Variants in DGKD observed in about 807,000 individuals in gnomAD.
DGKD encodes diacylglycerol kinase delta.
Under a neutral mutation model 154.4 loss-of-function variants are expected in DGKD, and 68 were observed. The observed-to-expected ratio is 0.44, with a 90% CI of 0.36 to 0.54. DGKD has a LOEUF of 0.54. Among genes scored for constraint, DGKD ranks in the 20% least tolerant of loss-of-function variants. The pLI is 0.00. For missense variants in DGKD, 1,343 were observed against 1,593.6 expected (o/e 0.84, Z 2.68); for synonymous variants, 693 against 638.0 (o/e 1.09, Z -1.30).
rs180860247 is a variant in DGKD at position 233,460,956 on chromosome 2, G to A, written c.2981+611G>A. Among the ~76,000 whole-genome samples the A allele has an allele frequency of 1.8e-3, 269 of 150,892 alleles. 1 individual carries two copies. The highest frequency in any genetic ancestry group is 6.4e-3 in the African/African-American group (263 of 41,010). On this transcript the variant is annotated intron_variant, in intron 24 of 29. Coordinates refer to ENST00000264057, the MANE Select transcript of DGKD (RefSeq NM_152879.3). ...TCCCGAGGGCAGCCCGCTGACAGCC[G>A]CCTTCACTTTGCCCTCGTTTTACCC...
At chr2:233,454,271 G>A (rs547462220) in intron 18 of DGKD, 35 of 421,782 alleles carry the variant, frequency 8.3e-5, no homozygotes, top group Non-Finnish European at 1.4e-4. Context: ...GGTTAGCCAC[G>A]CAGTGGAGTA....
In DGKD at chr2:233,460,371, G is replaced by T. The variant is rs73117574; in HGVS notation, c.2981+26G>T. ...GTGGGCTCCTACCCCTCTGCGTTGC[G>T]CATGAGCCTCCCCCAGGGTCCCTGG... On this transcript the variant is annotated intron_variant, in intron 24 of 29. Transcript: ENST00000264057. 5 of 1,611,620 alleles carry T rather than the reference G, an allele frequency of 3.1e-6. No homozygotes were observed. The East Asian group carries it at 6.7e-5, about 22-fold the overall frequency.
At position 233,448,296 on chromosome 2, in the gene DGKD, A is replaced by C. The variant is rs1484833802; in HGVS notation, c.1535A>C (p.Lys512Thr). Residue 512 changes from lysine to threonine, a missense_variant, in exon 14 of 30, where the codon AAG becomes ACG. Around this residue, in one of 6 missense-constraint regions of DGKD, gnomAD observed 409 missense variants for 446.0 expected, o/e 0.92. Coordinates refer to ENST00000264057, the MANE Select transcript of DGKD (RefSeq NM_152879.3). ...CACAGAGTGCTCTGTGAGACGGTGA[A>C]GGACTTCGTGGCACGGGTGGGGAAG... Reference protein sequence around the residue: ...SSAKVLCETVKDFVARVGKAY... With the variant: ...SSAKVLCETVTDFVARVGKAY... 1 of 1,614,016 alleles carries C rather than the reference A, an allele frequency of 6.2e-7. No individual in the cohort carries two copies. The highest frequency in any genetic ancestry group is 8.5e-7 in the Non-Finnish European group (1 of 1,180,044).
intron 1 of DGKD, among the ~76,000 whole-genome samples, chr2:233,380,595 C>T (rs1702839055): frequency 6.6e-6 from 1 of 152,238 alleles, no homozygotes; most frequent in Non-Finnish European, 1.5e-5. Flanking sequence ...GGGGATTAGC[C>T]CTATGATGAA....
intron 1 of DGKD, among the ~76,000 whole-genome samples, chr2:233,383,326 C>T (rs1184339038): frequency 6.6e-6 from 1 of 152,178 alleles, no homozygotes; most frequent in Non-Finnish European, 1.5e-5. Flanking sequence ...CAGGCATGAG[C>T]CACCGCGCCC....
At chr2:233,467,417 C>G (rs1056592704) in intron 28 of DGKD, among the ~76,000 whole-genome samples, 10 of 152,158 alleles carry the variant, frequency 6.6e-5, no homozygotes, top group Non-Finnish European at 1.5e-4. Context: ...CCGGCCCTGA[C>G]GTGCTCTCTG....
At chr2:233,429,125 G>A (rs1486312610) in intron 3 of DGKD, 1 of 985,264 alleles carries the variant, frequency 1.0e-6, no homozygotes, top group South Asian at 4.7e-5. Flanking sequence ...GGGTCAGGTG[G>A]GCCCAAAGAT....
chr2:233,462,546 C>T (rs368368914), intron 25 of DGKD, 87 bp downstream of exon 25: 2 of 1,525,416 alleles, frequency 1.3e-6, no homozygotes, highest in African/African-American at 1.4e-5. Context: ...CCCCCGCCTC[C>T]CCGGTGCATG....
intron 1 of DGKD, among the ~76,000 whole-genome samples, chr2:233,381,961 C>T (rs906665647): frequency 2.0e-5 from 3 of 152,166 alleles, no homozygotes; most frequent in East Asian, 1.9e-4. Context: ...GGGCCAGGTG[C>T]GGTGGCTCAC....
rs1351373977 is a variant in DGKD, at chr2:233,470,650, G to GC, written c.*1194dup. ...TAGGGACAGTGCCCAGGTGAAGGAT[G>GC]CCCCTGGTCCTCCAGGGCACTGACT... On this transcript the variant is annotated 3_prime_UTR_variant, in exon 30 of 30. Transcript: ENST00000264057. 6.6e-6 allele frequency: 1 copy of GC among 152,476 alleles called. No homozygotes were observed. Among genetic ancestry groups the GC allele is most frequent in the Non-Finnish European group, 1.5e-5 (1 of 68,120 alleles). The allele number at this position is 152,476 out of a possible 1,614,324, so 9.4% of individuals were successfully genotyped here.
rs944112778 is a variant in DGKD at position 233,438,698 on chromosome 2, A to G, written c.1085+319A>G. Among the ~76,000 whole-genome samples the G allele has an allele frequency of 1.6e-4, 24 of 152,008 alleles. No homozygotes were observed. The highest frequency in any genetic ancestry group is 5.6e-4 in the African/African-American group (23 of 41,286). ...ATGCCTTCTGTATGTGTCTGCATAC[A>G]ACGTTGTGGGTGTATTTTCTTTCAT... On this transcript the variant is annotated intron_variant, in intron 9 of 29. Transcript: ENST00000264057. The surrounding 1 kb of genome is among the most constrained non-coding windows in gnomAD (Gnocchi z 4.1).
Position 233,457,126 on chromosome 2 carries a change from G to A in DGKD, c.2473-95G>A. On this transcript the variant is annotated intron_variant, in intron 20 of 29. Coordinates refer to ENST00000264057, the MANE Select transcript of DGKD (RefSeq NM_152879.3). The surrounding 1 kb of genome is among the most constrained non-coding windows in gnomAD (Gnocchi z 5.5). The stretch of plus-strand genomic sequence containing the variant: ...GCCTGGGGATGCCCTGGCCACGGCT[G>A]TGCTCCTGAGCCCCTGGCGGTGGGA... The A allele has an allele frequency of 7.6e-7, 1 of 1,310,708 alleles. No homozygotes were observed. The highest frequency in any genetic ancestry group is 1.1e-6 in the Non-Finnish European group (1 of 925,474). 81.2% of individuals were successfully genotyped at this position (1,310,708 alleles called of 1,614,324 possible). A position where few individuals can be genotyped will look rare whatever the true frequency, so the allele number is the denominator to read the frequency against.
chr2:233,380,480 G>C (rs972189535), intron 1 of DGKD, among the ~76,000 whole-genome samples: 1 of 152,102 alleles, frequency 6.6e-6, no homozygotes, highest in Admixed American at 6.5e-5. Context: ...TTAAAGCAAA[G>C]GTGGCACTGA....
At chr2:233,377,151 C>T (rs1227852339) in intron 1 of DGKD, among the ~76,000 whole-genome samples, 5 of 146,040 alleles carry the variant, frequency 3.4e-5, no homozygotes, top group Admixed American at 2.1e-4. Context: ...GGCACGATCT[C>T]GGCTCACTTC....
rs541768521 is a variant in DGKD at position 233,469,774 on chromosome 2, A to G, written c.*314A>G. 4.7e-5 allele frequency: 15 copies of G among 318,574 alleles called. No individual in the cohort carries two copies. In the East Asian group the frequency reaches 8.1e-4, roughly 17 times the overall value. 19.7% of individuals were successfully genotyped at this position (318,574 alleles called of 1,614,324 possible). On this transcript the variant is annotated 3_prime_UTR_variant, in exon 30 of 30. Transcript: ENST00000264057. Reference sequence around the variant, plus strand: ...GCCTGTGCTGTGGGCCAGGGAATCCAGCGGCGTCTGGCCTCCTGGGCACTG... The same window carrying G: ...GCCTGTGCTGTGGGCCAGGGAATCCGGCGGCGTCTGGCCTCCTGGGCACTG...
In DGKD at chr2:233,448,339, C is replaced by G. The variant is rs148552169; in HGVS notation, c.1578C>G (p.Thr526=). 1.8e-5 allele frequency: 29 copies of G among 1,613,956 alleles called. No individual in the cohort carries two copies. The highest frequency in any genetic ancestry group is 2.5e-5 in the Non-Finnish European group (29 of 1,180,008). The change falls in exon 14 of 30, where the codon ACC becomes ACG. Residue 526 remains threonine, a synonymous_variant. Transcript: ENST00000264057. ...ARVGKAYEKT[T]ESSEESEVMA... ...TGGGGAAGGCCTATGAGAAGACGACCGAGAGCTCGGAGGAGTCAGAGGTCA... is the reference window on the plus strand; with the variant it reads ...TGGGGAAGGCCTATGAGAAGACGACGGAGAGCTCGGAGGAGTCAGAGGTCA...
At chr2:233,464,750 C>T (rs1251747904) in intron 27 of DGKD, among the ~76,000 whole-genome samples, 11 of 152,220 alleles carry the variant, frequency 7.2e-5, no homozygotes, top group African/African-American at 2.2e-4. Flanking sequence ...GACCCGAGGA[C>T]GCAGGGCATA....
intron 1 of DGKD, among the ~76,000 whole-genome samples, chr2:233,360,703 A>G (rs946353302): frequency 9.2e-5 from 14 of 152,310 alleles, no homozygotes; most frequent in Non-Finnish European, 1.8e-4. Context: ...AAAGATTTTG[A>G]GAGTAAATCA....
At chr2:233,425,549 C>A (rs1177211842) in intron 3 of DGKD, among the ~76,000 whole-genome samples, 1 of 152,148 alleles carries the variant, frequency 6.6e-6, no homozygotes, top group Non-Finnish European at 1.5e-5. Flanking sequence ...GTACAGAAAT[C>A]TTAAGGCTAA....
Sources: allele counts gnomAD v4.1 joint callset (sites outside exome capture counted in the v4.1 genomes callset), GRCh38; gene constraint gnomAD v4.1.1; regional missense constraint gnomAD v4.1.1; non-coding constraint Gnocchi (gnomAD v3.1); transcripts MANE v1.5; gene names NCBI Gene and HGNC (gene_info 2026-07-23, HGNC 2026-07-21).